The following XPR1 variants were observed in gnomAD, a reference collection of about 807,000 sequenced individuals.
XPR1 encodes solute carrier family 53 member 1.
Under a neutral mutation model 87.5 loss-of-function variants are expected in XPR1, and 28 were observed. The ratio of observed to expected loss-of-function variants is 0.32; its 90% CI spans 0.24 to 0.44. The LOEUF is 0.44. Ranked by LOEUF, XPR1 falls within the 20% of genes least tolerant of loss-of-function variation. XPR1 has a pLI of 1.00. For synonymous variants in XPR1, 300 were observed against 306.1 expected, an observed-to-expected ratio of 0.98 and a Z score of 0.21; for missense variants, 559 against 862.3, an observed-to-expected ratio of 0.65 and a Z score of 4.41.
chr1:180,820,830 A>C (rs1050118270), intron 7 of XPR1, among the ~76,000 whole-genome samples: 2 of 152,202 alleles, frequency 1.3e-5, no homozygotes, highest in African/African-American at 4.8e-5. Flanking sequence ...TATATTAAGC[A>C]TCTTTTCATG....
chr1:180,767,991 C>T (rs1422397864), intron 2 of XPR1, among the ~76,000 whole-genome samples: 1 of 152,044 alleles, frequency 6.6e-6, no homozygotes, highest in African/African-American at 2.4e-5. Flanking sequence ...ACTACAGGCG[C>T]CCGCCACCAT....
intron 2 of XPR1, among the ~76,000 whole-genome samples, chr1:180,683,555 T>C (rs1656661381): frequency 6.6e-6 from 1 of 152,214 alleles, no homozygotes. Flanking sequence ...ACTTCCACAA[T>C]GGTTGAACTA....
At chr1:180,729,929 A>G (rs964762225) in intron 2 of XPR1, among the ~76,000 whole-genome samples, 1 of 152,090 alleles carries the variant, frequency 6.6e-6, no homozygotes, top group Admixed American at 6.6e-5. Flanking sequence ...TTTTGTTGCA[A>G]TTGCTTTTGG....
At chr1:180,747,584 A>G (rs1424831354) in intron 2 of XPR1, among the ~76,000 whole-genome samples, 2 of 152,210 alleles carry the variant, frequency 1.3e-5, no homozygotes, top group Non-Finnish European at 2.9e-5. Flanking sequence ...TGGAATTTAG[A>G]TAGTGAAGAT....
At chr1:180,723,027 C>T (rs916121102) in intron 2 of XPR1, among the ~76,000 whole-genome samples, 35 of 152,034 alleles carry the variant, frequency 2.3e-4, no homozygotes, top group Admixed American at 1.2e-3. Context: ...TTGGGGTTAC[C>T]GATAAACCAC....
intron 11 of XPR1, among the ~76,000 whole-genome samples, chr1:180,846,209 C>G (rs1651674322): frequency 6.8e-6 from 1 of 147,930 alleles, no homozygotes; most frequent in Non-Finnish European, 1.5e-5. Context: ...TTGCAGTGAG[C>G]TGAGATCACG....
chr1:180,866,369 A>G (rs1652390534), intron 12 of XPR1, among the ~76,000 whole-genome samples: 1 of 152,246 alleles, frequency 6.6e-6, no homozygotes, highest in South Asian at 2.1e-4. Context: ...AACAGTTCTT[A>G]AAATCAGTTC....
chr1:180,665,615 A>G (rs1169071131), intron 1 of XPR1, among the ~76,000 whole-genome samples: 1 of 152,150 alleles, frequency 6.6e-6, no homozygotes, highest in East Asian at 1.9e-4. Context: ...GTGCTGGCTG[A>G]ATTCAGCCCA....
chr1:180,703,879 A>G (rs546437377), intron 2 of XPR1, among the ~76,000 whole-genome samples: 2 of 152,328 alleles, frequency 1.3e-5, no homozygotes, highest in African/African-American at 2.4e-5. Context: ...CTCAGTAGCG[A>G]TATGAGGTTA....
intron 8 of XPR1, 61 bp downstream of exon 8, chr1:180,825,004 G>T (rs1156467796): frequency 6.5e-7 from 1 of 1,543,880 alleles, no homozygotes; most frequent in Non-Finnish European, 8.7e-7. Flanking sequence ...ATAGCTATCT[G>T]GTTTAGTGGG....
chr1:180,692,006 C>A (rs1050077593), intron 2 of XPR1, among the ~76,000 whole-genome samples: 4 of 152,088 alleles, frequency 2.6e-5, no homozygotes, highest in African/African-American at 9.7e-5. Flanking sequence ...TGTCCCCTCT[C>A]CCCAGTTTCC....
intron 2 of XPR1, among the ~76,000 whole-genome samples, chr1:180,751,161 A>G (rs1270962872): frequency 6.6e-6 from 1 of 152,030 alleles, no homozygotes; most frequent in East Asian, 1.9e-4. Context: ...TAGGTTTCTG[A>G]TAATTTTTTA....
At chr1:180,787,665 C>T (rs1356087030) in intron 2 of XPR1, 88 bp from the exon 3 acceptor site, 12 of 914,878 alleles carry the variant, frequency 1.3e-5, no homozygotes, top group Non-Finnish European at 1.2e-5. Flanking sequence ...ATTTTAAAAA[C>T]TCAAAAAGTA....
chr1:180,706,739 G>A (rs1657570775), intron 2 of XPR1, among the ~76,000 whole-genome samples: 1 of 152,008 alleles, frequency 6.6e-6, no homozygotes, highest in African/African-American at 2.4e-5. Context: ...AGCCTCCTGA[G>A]TAGCTGGGAT....
chr1:180,806,001 C>G (rs951894563), intron 4 of XPR1, 61 bp from the exon 5 acceptor site: 32 of 1,564,958 alleles, frequency 2.0e-5, no homozygotes, highest in Non-Finnish European at 2.6e-5. Flanking sequence ...AGTGCTTATT[C>G]TTTTTCATCA....
rs1374976981 is a variant in XPR1, at chr1:180,887,407, G to A, written c.*3341G>A. Reference sequence around the variant, plus strand: ...TATAGAAAGCATTGATGTGTGTAGAGAAATTAAAAGACAAGAGTGGTTTAC... The same window carrying A: ...TATAGAAAGCATTGATGTGTGTAGAAAAATTAAAAGACAAGAGTGGTTTAC... On this transcript the variant is annotated 3_prime_UTR_variant, in exon 15 of 15. Coordinates refer to ENST00000367590, the MANE Select transcript of XPR1 (RefSeq NM_004736.4). The A allele has an allele frequency of 6.6e-6, 1 of 152,108 alleles. No homozygotes were observed. Among genetic ancestry groups the A allele is most frequent in the Non-Finnish European group, 1.5e-5 (1 of 68,010 alleles). The allele number at this position is 152,108 out of a possible 1,614,324, so 9.4% of individuals were successfully genotyped here.
chr1:180,852,204 G>A (rs1379923350), intron 11 of XPR1, among the ~76,000 whole-genome samples: 2 of 151,946 alleles, frequency 1.3e-5, no homozygotes, highest in Non-Finnish European at 2.9e-5. Context: ...CAAGTTCTGT[G>A]GTTTTTTTTT....
chr1:180,687,316 G>A (rs1018947221), intron 2 of XPR1, among the ~76,000 whole-genome samples: 13 of 152,034 alleles, frequency 8.6e-5, no homozygotes, highest in African/African-American at 3.1e-4. Context: ...TGAATTTTGT[G>A]AAAGTACGCT....
chr1:180,687,005 A>C (rs986138716), intron 2 of XPR1, among the ~76,000 whole-genome samples: 5 of 152,120 alleles, frequency 3.3e-5, no homozygotes, highest in African/African-American at 1.2e-4. Flanking sequence ...AACTCAAGAC[A>C]CTTAAGGTTT....
Sources: gnomAD v4.1 joint callset for allele counts (sites outside exome capture counted in the v4.1 genomes callset) on GRCh38, gnomAD v4.1.1 for gene constraint, MANE v1.5 for transcripts, NCBI Gene and HGNC (gene_info 2026-07-23, HGNC 2026-07-21) for gene names.